The following FGD2 variants were observed in gnomAD, a reference collection of about 807,000 sequenced individuals.
The protein encoded by FGD2 is FYVE, RhoGEF and PH domain-containing protein 2.
A neutral mutation model predicts 75.9 loss-of-function variants in FGD2; 52 were observed. That is an observed-to-expected ratio of 0.69 (90% confidence interval 0.55 to 0.86). The LOEUF (loss-of-function observed/expected upper bound fraction) is 0.86, where lower values mean the gene tolerates loss of function less well. Ranked by LOEUF, FGD2 falls within the 40% of genes least tolerant of loss-of-function variation. The probability of loss-of-function intolerance (pLI) is 0.00; values close to 1 mark genes in which losing one functional copy is unlikely to be tolerated. For synonymous variants in FGD2, 347 were observed against 348.6 expected (o/e 1.00, Z 0.05); for missense variants, 790 against 872.0 (o/e 0.91, Z 1.18).
chr6:37,027,952 T>C lies in FGD2; in HGVS notation c.1757T>C (p.Met586Thr), dbSNP rs752953818. 3 of 1,613,708 alleles carry C rather than the reference T, an allele frequency of 1.9e-6. No individual in the cohort carries two copies. Among genetic ancestry groups the C allele is most frequent in the African/African-American group, 1.3e-5 (1 of 74,894 alleles). ...ACTGCTCTCTCCTCCCCCCAGGACA[T>C]GAGGGCTCACACCTCCATCCCCCTG... ...VLYVYAAPQD[M>T]RAHTSIPLLG... Residue 586 changes from methionine to threonine, a missense_variant, in exon 16 of 16, where the codon ATG becomes ACG. Met to Thr is a moderately conservative substitution (Grantham distance 81). Coordinates refer to ENST00000274963, the MANE Select transcript of FGD2 (RefSeq NM_173558.4).
In FGD2 at chr6:37,022,238, G is replaced by A; in HGVS notation, c.1327-1G>A. 1 of 1,598,950 alleles carries A rather than the reference G, an allele frequency of 6.3e-7. No individual in the cohort carries two copies. Among genetic ancestry groups the A allele is most frequent in the Non-Finnish European group, 8.5e-7 (1 of 1,172,368 alleles). ...CCTGCCCAACTCCCCTTAACCCACAGCTGCAGTCTGAGGAGCTGGGCCTCC... is the reference window on the plus strand; with the variant it reads ...CCTGCCCAACTCCCCTTAACCCACAACTGCAGTCTGAGGAGCTGGGCCTCC... On this transcript the variant is annotated splice_acceptor_variant, in intron 12 of 15. Coordinates refer to ENST00000274963, the MANE Select transcript of FGD2 (RefSeq NM_173558.4). LOFTEE classifies it high-confidence loss of function.
chr6:37,005,984 T>C, intron 1 of FGD2, 99 bp downstream of exon 1: 2 of 1,357,062 alleles, frequency 1.5e-6, no homozygotes, highest in South Asian at 2.5e-5. Context: ...CGGACCCTCC[T>C]CCTGCAGGGG....
chr6:37,025,542 T>C, intron 13 of FGD2: 1 of 523,938 alleles, frequency 1.9e-6, no homozygotes, highest in South Asian at 2.5e-5. Context: ...GCCCTCGCGG[T>C]GGGGGCCGGG....
rs1018162524 is a variant in FGD2 at position 37,005,764 on chromosome 6, A to G, written c.-54A>G. 26 of 1,589,234 alleles carry G rather than the reference A, an allele frequency of 1.6e-5. No homozygotes were observed. Among genetic ancestry groups the G allele is most frequent in the Non-Finnish European group, 2.1e-5 (24 of 1,161,282 alleles). On this transcript the variant is annotated 5_prime_UTR_variant, in exon 1 of 16. Transcript: ENST00000274963. Reference sequence around the variant, plus strand: ...CAGCGTGGCTGAGTGTGCTGGCTGGAGGCCTCTCTCTCTGCTTCGAGGGTA... The same window carrying G: ...CAGCGTGGCTGAGTGTGCTGGCTGGGGGCCTCTCTCTCTGCTTCGAGGGTA...
chr6:37,010,927 C>T, intron 2 of FGD2, 46 bp from the exon 3 acceptor site: 5 of 1,585,234 alleles, frequency 3.2e-6, no homozygotes, highest in Non-Finnish European at 3.5e-6. Flanking sequence ...GAGACCAAAG[C>T]TGTCTTCCCC....
rs527686974 is a variant in FGD2 at position 37,014,103 on chromosome 6, G to A, written c.823+3G>A. ...CCCAGACCAGGCCGATGCCCAGAGT[G>A]AGGACACCCCCAGGGGTCCCAGGGG... On this transcript the variant is annotated splice_donor_region_variant and intron_variant, in intron 6 of 15. Transcript: ENST00000274963. 6 of 1,613,556 alleles carry A rather than the reference G, an allele frequency of 3.7e-6. No homozygotes were observed. In the African/African-American group the frequency reaches 5.3e-5, roughly 14 times the overall value.
chr6:37,011,173 G>A (rs1388943339), intron 3 of FGD2, 123 bp downstream of exon 3: 1 of 943,380 alleles, frequency 1.1e-6, no homozygotes, highest in Non-Finnish European at 1.7e-6. Context: ...ACTCCAGGAA[G>A]CCTTGGCCCT....
chr6:37,008,709 G>A (rs935502964), intron 1 of FGD2, 125 bp from the exon 2 acceptor site: 4 of 724,714 alleles, frequency 5.5e-6, no homozygotes, highest in Non-Finnish European at 8.8e-6. Flanking sequence ...CCCAAAGAAA[G>A]CCAGGCACCC....
chr6:37,010,926 G>C, intron 2 of FGD2, 47 bp from the exon 3 acceptor site: 1 of 1,588,026 alleles, frequency 6.3e-7, no homozygotes, highest in South Asian at 1.1e-5. Flanking sequence ...GGAGACCAAA[G>C]CTGTCTTCCC....
Position 37,011,687 on chromosome 6 carries a change from C to T in FGD2, c.379-19C>T, listed in dbSNP as rs1297008785. The T allele has an allele frequency of 6.2e-7, 1 of 1,613,518 alleles. No homozygotes were observed. The highest frequency in any genetic ancestry group is 1.1e-5 in the South Asian group (1 of 90,934). Reference sequence around the variant, plus strand: ...GGCTCCCTGTCACTGCAGTGAGTGACCTGTCGTGGCGGCTACAGGTGTTTT... The same window carrying T: ...GGCTCCCTGTCACTGCAGTGAGTGATCTGTCGTGGCGGCTACAGGTGTTTT... On this transcript the variant is annotated intron_variant, in intron 3 of 15. Transcript: ENST00000274963.
At chr6:37,014,609 A>G in intron 6 of FGD2, 37 bp from the exon 7 acceptor site, 1 of 1,611,062 alleles carries the variant, frequency 6.2e-7, no homozygotes, top group Non-Finnish European at 8.5e-7. Flanking sequence ...CCAGCCCTAG[A>G]TTCTCAGGGA....
At position 37,025,927 on chromosome 6, in the gene FGD2, G is replaced by C. The variant is rs1474245231; in HGVS notation, c.1594G>C (p.Gly532Arg). The change falls in exon 14 of 16, where the codon GGC becomes CGC. Residue 532 changes from glycine to arginine, a missense_variant. Coordinates refer to ENST00000274963, the MANE Select transcript of FGD2 (RefSeq NM_173558.4). ...TGAGGCCAAGGAGGACAAGAGGCGG[G>C]GCATCCTGGAGGTGAGGGCCACTGT... The part of the protein sequence containing the change: ...LPEAKEDKRR[G>R]ILEKGSSATP... 1 of 1,613,886 alleles carries C rather than the reference G, an allele frequency of 6.2e-7. No homozygotes were observed. Among genetic ancestry groups the C allele is most frequent in the Non-Finnish European group, 8.5e-7 (1 of 1,179,914 alleles).
chr6:37,011,658 G>A (rs764517987), intron 3 of FGD2, 48 bp from the exon 4 acceptor site: 2 of 1,612,120 alleles, frequency 1.2e-6, no homozygotes, highest in East Asian at 2.2e-5. Context: ...GCTGATGTGT[G>A]GGTGGCTCCC....
intron 12 of FGD2, 91 bp from the exon 13 acceptor site, chr6:37,022,148 A>G: frequency 1.4e-6 from 2 of 1,480,172 alleles, no homozygotes; most frequent in Non-Finnish European, 1.8e-6. Flanking sequence ...TCCCTGCTAC[A>G]GCAGGTGGGC....
intron 9 of FGD2, among the ~76,000 whole-genome samples, chr6:37,019,027 G>A (rs1285245109): frequency 1.3e-5 from 2 of 152,290 alleles, no homozygotes; most frequent in Admixed American, 1.3e-4. Context: ...TGGACCCTCA[G>A]GTCAGGAGCC....
intron 13 of FGD2, chr6:37,023,503 A>G (rs1765685122): frequency 6.6e-6 from 1 of 152,206 alleles, no homozygotes; most frequent in Non-Finnish European, 1.5e-5. Context: ...GCACTCCTGT[A>G]CTTGAGCTGT....
In FGD2 at chr6:37,025,958, C is replaced by A. The variant is rs199824158; in HGVS notation, c.1605+20C>A. On this transcript the variant is annotated intron_variant, in intron 14 of 15. Coordinates refer to ENST00000274963, the MANE Select transcript of FGD2 (RefSeq NM_173558.4). ...CTGGAGGTGAGGGCCACTGTCCCCG[C>A]GCTCACCATCCGTCCTCTGTTCAGG... The A allele has an allele frequency of 1.7e-4, 282 of 1,613,098 alleles. No homozygotes were observed. The African/African-American group carries it at 3.3e-3, about 19-fold the overall frequency.
At chr6:37,014,129 G>T in intron 6 of FGD2, 29 bp downstream of exon 6, 1 of 1,607,374 alleles carries the variant, frequency 6.2e-7, no homozygotes, top group Non-Finnish European at 8.5e-7. Flanking sequence ...GTCCCAGGGG[G>T]CTGAGGAGGC....
chr6:37,005,960 C>T, intron 1 of FGD2, 75 bp downstream of exon 1: 1 of 1,533,010 alleles, frequency 6.5e-7, no homozygotes, highest in South Asian at 1.2e-5. Flanking sequence ...CAGCTCTCTC[C>T]CTGGGCCCTG....
Sources: gnomAD v4.1 joint callset for allele counts (sites outside exome capture counted in the v4.1 genomes callset) on GRCh38, gnomAD v4.1.1 for gene constraint, MANE v1.5 for transcripts, NCBI Gene and HGNC (gene_info 2026-07-23, HGNC 2026-07-21) for gene names.